Variants in TMEM132D observed in about 807,000 individuals in gnomAD.
The protein encoded by TMEM132D is transmembrane protein 132D.
A neutral mutation model predicts 62.3 loss-of-function variants in TMEM132D; 21 were observed. That is an observed-to-expected ratio of 0.34 (90% CI 0.24 to 0.49). TMEM132D has a LOEUF of 0.49. TMEM132D is among the 20% of genes least tolerant of loss of function. The probability of loss-of-function intolerance (pLI) is 0.99; values close to 1 mark genes in which losing one functional copy is unlikely to be tolerated. For synonymous variants in TMEM132D, 621 were observed against 575.6 expected, an observed-to-expected ratio of 1.08 and a Z score of -1.13; for missense variants, 1,346 against 1,402.8, an observed-to-expected ratio of 0.96 and a Z score of 0.65.
intron 5 of TMEM132D, among the ~76,000 whole-genome samples, chr12:129,101,838 T>C (rs1875317989): frequency 6.6e-6 from 1 of 152,228 alleles, no homozygotes; most frequent in African/African-American, 2.4e-5. Flanking sequence ...CCGAGGTCCT[T>C]TGACGTATTT....
intron 3 of TMEM132D, among the ~76,000 whole-genome samples, chr12:129,376,183 G>A (rs1870774379): frequency 6.6e-6 from 1 of 152,156 alleles, no homozygotes. Flanking sequence ...CAGGAAAGGT[G>A]CCATGGGCTC....
chr12:129,297,754 A>G (rs1881612982), intron 4 of TMEM132D, among the ~76,000 whole-genome samples: 1 of 152,190 alleles, frequency 6.6e-6, no homozygotes, highest in East Asian at 1.9e-4. Context: ...AAACGACCTC[A>G]TCGCCCTGGT....
intron 3 of TMEM132D, among the ~76,000 whole-genome samples, chr12:129,358,956 CT>C (rs11352248): frequency 0.45 from 66,448 of 148,470 alleles, 15,108 homozygotes; most frequent in African/African-American, 0.55. Flanking sequence ...AAATTTCAAG[CT>C]TTTTTTTTTT....
intron 3 of TMEM132D, among the ~76,000 whole-genome samples, chr12:129,526,268 C>A (rs1593051356): frequency 6.6e-6 from 1 of 152,048 alleles, no homozygotes; most frequent in East Asian, 1.9e-4. Flanking sequence ...CCCCACTCCC[C>A]CAGGCTGCTC....
intron 3 of TMEM132D, among the ~76,000 whole-genome samples, chr12:129,350,448 C>A (rs1010474348): frequency 6.6e-6 from 1 of 152,158 alleles, no homozygotes; most frequent in Non-Finnish European, 1.5e-5. Flanking sequence ...TTATGAAGTC[C>A]CACAGGCCAA....
intron 1 of TMEM132D, among the ~76,000 whole-genome samples, chr12:129,748,669 G>C (rs1869898071): frequency 6.6e-6 from 1 of 152,320 alleles, no homozygotes; most frequent in African/African-American, 2.4e-5. Flanking sequence ...AAAGTAAGAA[G>C]AGAAGAAAAA....
chr12:129,834,141 C>T (rs537088365), intron 1 of TMEM132D, among the ~76,000 whole-genome samples: 2 of 152,288 alleles, frequency 1.3e-5, no homozygotes, highest in East Asian at 3.9e-4. Flanking sequence ...TTTCCTTTCC[C>T]TTCCTTCTTC....
intron 3 of TMEM132D, among the ~76,000 whole-genome samples, chr12:129,340,553 C>A (rs544001048): frequency 6.6e-6 from 1 of 151,032 alleles, no homozygotes; most frequent in Non-Finnish European, 1.5e-5. Context: ...TGAGAACATG[C>A]GGTGTTTGGT....
At chr12:129,339,878 C>T (rs1869411734) in intron 3 of TMEM132D, among the ~76,000 whole-genome samples, 1 of 152,202 alleles carries the variant, frequency 6.6e-6, no homozygotes, top group South Asian at 2.1e-4. Context: ...TCATTGTACA[C>T]AATAACTGCC....
At chr12:129,259,311 CAT>C (rs1167833024) in intron 4 of TMEM132D, among the ~76,000 whole-genome samples, 3 of 152,190 alleles carry the variant, frequency 2.0e-5, no homozygotes, top group Non-Finnish European at 2.9e-5. Flanking sequence ...GCCTGGGTGA[CAT>C]CTGAGCTGTT....
intron 1 of TMEM132D, among the ~76,000 whole-genome samples, chr12:129,787,528 G>A (rs1229078199): frequency 6.6e-6 from 1 of 152,082 alleles, no homozygotes; most frequent in Non-Finnish European, 1.5e-5. Flanking sequence ...TTATTTGCCC[G>A]AATTAAATGG....
chr12:129,478,380 G>A (rs1384460471), intron 3 of TMEM132D, among the ~76,000 whole-genome samples: 1 of 152,230 alleles, frequency 6.6e-6, no homozygotes, highest in Non-Finnish European at 1.5e-5. Context: ...CTGGGTGATA[G>A]GAATGTTTTG....
chr12:129,138,257 T>C (rs546481064), intron 5 of TMEM132D, among the ~76,000 whole-genome samples: 94 of 152,338 alleles, frequency 6.2e-4, no homozygotes, highest in African/African-American at 2.2e-3. Context: ...AATTTTAAAG[T>C]AGTAATTTCA....
chr12:129,192,213 G>C (rs745436446), intron 5 of TMEM132D, among the ~76,000 whole-genome samples: 13 of 152,192 alleles, frequency 8.5e-5, no homozygotes, highest in Non-Finnish European at 1.8e-4. Context: ...TCCATCCTGG[G>C]TGACTTGTCA....
In TMEM132D at chr12:129,571,039, T is replaced by A. The variant is rs1489200127; in HGVS notation, c.969-39834A>T. 2.0e-5 allele frequency among the ~76,000 whole-genome samples: 3 copies of A among 152,180 alleles called. No homozygotes were observed. In the East Asian group the frequency reaches 5.8e-4, roughly 29 times the overall value. On this transcript the variant is annotated intron_variant, in intron 2 of 8. Coordinates refer to ENST00000422113, the MANE Select transcript of TMEM132D (RefSeq NM_133448.3). ...GCTGATGGGTCAGAAATCAATCATG[T>A]TTGCTGTAATTAGACTACGTTAGAG... is the stretch of plus-strand genomic sequence containing the variant.
intron 1 of TMEM132D, among the ~76,000 whole-genome samples, chr12:129,784,362 A>G (rs892234272): frequency 1.3e-5 from 2 of 152,266 alleles, no homozygotes; most frequent in East Asian, 3.8e-4. Context: ...CTGGGCCACA[A>G]ATAGACGCTA....
chr12:129,507,760 A>G (rs530053906), intron 3 of TMEM132D, among the ~76,000 whole-genome samples: 3 of 152,222 alleles, frequency 2.0e-5, no homozygotes, highest in Non-Finnish European at 4.4e-5. Flanking sequence ...AGTGCAGTGT[A>G]TACTGCTCGG....
At chr12:129,522,994 T>C (rs989889315) in intron 3 of TMEM132D, among the ~76,000 whole-genome samples, 2 of 152,078 alleles carry the variant, frequency 1.3e-5, no homozygotes, top group Admixed American at 1.3e-4. Flanking sequence ...AATAGATGTA[T>C]GTAGACATAG....
intron 1 of TMEM132D, among the ~76,000 whole-genome samples, chr12:129,862,338 G>A (rs138868536): frequency 1.3e-5 from 2 of 152,358 alleles, no homozygotes; most frequent in East Asian, 3.9e-4. Flanking sequence ...CCTTGCTGGG[G>A]CTGGCTGAGG....
Sources: gnomAD v4.1 joint callset for allele counts (sites outside exome capture counted in the v4.1 genomes callset) on GRCh38, gnomAD v4.1.1 for gene constraint, MANE v1.5 for transcripts, NCBI Gene and HGNC (gene_info 2026-07-23, HGNC 2026-07-21) for gene names.